The following ATRX variants were observed in gnomAD, a reference collection of about 807,000 sequenced individuals.
ATRX encodes the protein ATRX chromatin remodeler, also known as chromatin remodeler ATRX.
A neutral mutation model predicts 172.6 loss-of-function variants in ATRX; 12 were observed. That is an observed-to-expected ratio of 0.07 (90% CI 0.04 to 0.11). ATRX has a LOEUF of 0.11. ATRX is among the 10% of genes least tolerant of loss of function. The pLI is 1.00. For synonymous variants in ATRX, 674 were observed against 594.7 expected, an observed-to-expected ratio of 1.13 and a Z score of -1.94; for missense variants, 1,368 against 1,767.4, an observed-to-expected ratio of 0.77 and a Z score of 4.05.
At chrX:77,619,043 T>C (rs1299440261) in intron 20 of ATRX, 62 bp from the exon 21 acceptor site, 93 of 858,307 alleles carry the variant, frequency 1.1e-4, no homozygotes, top group Non-Finnish European at 1.5e-4. Context: ...TTAGAAAAAT[T>C]CCCCAATGAA....
chrX:77,566,705 A>C (rs1314145113), intron 28 of ATRX, among the ~76,000 whole-genome samples: 1 of 111,561 alleles, frequency 9.0e-6, no homozygotes, highest in East Asian at 2.8e-4. Context: ...GTGAGCTGAA[A>C]TTGCACCACT....
At chrX:77,732,682 T>C (rs143870713) in intron 1 of ATRX, among the ~76,000 whole-genome samples, 173 of 112,235 alleles carry the variant, frequency 1.5e-3, no homozygotes, top group African/African-American at 5.2e-3. Flanking sequence ...AACCATATTA[T>C]ATCAATTGAT....
chrX:77,505,462 C>T lies in ATRX; in HGVS notation c.*2889G>A, dbSNP rs2062690293. ...AAACAGGAAATGGGGCTGGATTACACAAAGACATCCAAAACTAACACAAAC... is the reference window on the plus strand; with the variant it reads ...AAACAGGAAATGGGGCTGGATTACATAAAGACATCCAAAACTAACACAAAC... On this transcript the variant is annotated 3_prime_UTR_variant, in exon 35 of 35. Coordinates refer to ENST00000373344, the MANE Select transcript of ATRX (RefSeq NM_000489.6). The T allele has an allele frequency of 5.8e-6, 1 of 172,458 alleles. No individual in the cohort carries two copies. Among genetic ancestry groups the T allele is most frequent in the Admixed American group, 8.0e-5 (1 of 12,443 alleles). The allele number at this position is 172,458 out of a possible 1,213,427, so 14.2% of individuals were successfully genotyped here. A position where few individuals can be genotyped will look rare whatever the true frequency, so the allele number is the denominator to read the frequency against.
intron 28 of ATRX, among the ~76,000 whole-genome samples, chrX:77,560,427 A>C: frequency 9.0e-6 from 1 of 110,523 alleles, no homozygotes; most frequent in Middle Eastern, 4.6e-3. Flanking sequence ...CATTTCCCCA[A>C]ATTTCTTGGT....
chrX:77,511,998 C>T (rs901404051), intron 34 of ATRX, among the ~76,000 whole-genome samples: 2 of 111,543 alleles, frequency 1.8e-5, no homozygotes, highest in African/African-American at 3.3e-5. Flanking sequence ...GCAGATTTAA[C>T]CTAATGAAGA....
intron 1 of ATRX, among the ~76,000 whole-genome samples, chrX:77,742,460 G>A (rs113448923): frequency 0.051 from 5,638 of 111,562 alleles, 374 homozygotes; most frequent in African/African-American, 0.18. Context: ...CACATACAGG[G>A]GAACTGTGAG....
chrX:77,696,573 T>A lies in ATRX; in HGVS notation c.370+4A>T. 8.3e-7 allele frequency: 1 copy of A among 1,205,222 alleles called. No individual in the cohort carries two copies. Among genetic ancestry groups the A allele is most frequent in the Non-Finnish European group, 1.1e-6 (1 of 890,449 alleles). On this transcript the variant is annotated splice_donor_region_variant and intron_variant, in intron 5 of 34. Transcript: ENST00000373344. ...TAACTTCATGAAAAATTAACACACA[T>A]TACCTTTTGGCAAGCTCTGCATAGT...
At chrX:77,613,191 T>C (rs1223040001) in intron 22 of ATRX, among the ~76,000 whole-genome samples, 1 of 111,089 alleles carries the variant, frequency 9.0e-6, no homozygotes, top group East Asian at 2.8e-4. Flanking sequence ...AGTAGCCACA[T>C]CATCTGACAT....
At chrX:77,731,415 C>G (rs983454167) in intron 1 of ATRX, among the ~76,000 whole-genome samples, 4 of 111,722 alleles carry the variant, frequency 3.6e-5, no homozygotes, top group Non-Finnish European at 5.6e-5. Context: ...TAAAGAAGAT[C>G]TAATACTGAT....
intron 19 of ATRX, among the ~76,000 whole-genome samples, chrX:77,626,190 A>G (rs2067843823): frequency 1.9e-5 from 2 of 105,105 alleles, no homozygotes; most frequent in South Asian, 8.9e-4. Context: ...AGGAATAGAA[A>G]AGCAAACATC....
intron 22 of ATRX, among the ~76,000 whole-genome samples, chrX:77,612,319 C>G (rs782188440): frequency 1.9e-5 from 2 of 107,765 alleles, no homozygotes; most frequent in Non-Finnish European, 3.8e-5. Flanking sequence ...TTTGGGGGTA[C>G]TTTTTAAATT....
intron 30 of ATRX, among the ~76,000 whole-genome samples, chrX:77,525,068 T>C (rs782543023): frequency 1.6e-4 from 18 of 111,857 alleles, no homozygotes; most frequent in Non-Finnish European, 2.4e-4. Context: ...ATTTCCTTTG[T>C]TGAAAACAAA....
intron 12 of ATRX, among the ~76,000 whole-genome samples, chrX:77,659,569 G>A (rs1259140799): frequency 3.7e-5 from 4 of 107,963 alleles, no homozygotes; most frequent in East Asian, 2.9e-4. Context: ...GATATTAAGC[G>A]CGGATGACAC....
At chrX:77,713,992 C>T (rs1321550811) in intron 2 of ATRX, among the ~76,000 whole-genome samples, 2 of 111,327 alleles carry the variant, frequency 1.8e-5, no homozygotes, top group Admixed American at 1.9e-4. Context: ...TCCTTAAAAA[C>T]AGAAAAATGT....
chrX:77,513,751 T>C (rs1353002916), intron 34 of ATRX, among the ~76,000 whole-genome samples: 1 of 111,527 alleles, frequency 9.0e-6, no homozygotes, highest in Non-Finnish European at 1.9e-5. Flanking sequence ...TTAGAAGTCC[T>C]GGGCAGAGCA....
chrX:77,685,559 G>C (rs1286917266), intron 7 of ATRX, among the ~76,000 whole-genome samples: 1 of 112,029 alleles, frequency 8.9e-6, no homozygotes, highest in Non-Finnish European at 1.9e-5. Flanking sequence ...CAAGGATGTG[G>C]AGAAAAGGGA....
chrX:77,509,162 A>G (rs1331550265), intron 34 of ATRX, among the ~76,000 whole-genome samples: 1 of 112,111 alleles, frequency 8.9e-6, no homozygotes, highest in Non-Finnish European at 1.9e-5. Context: ...ATTTCCAAGT[A>G]TAAGGCAGAA....
chrX:77,613,479 G>A (rs2067241194), intron 22 of ATRX, among the ~76,000 whole-genome samples: 1 of 111,877 alleles, frequency 8.9e-6, no homozygotes, highest in African/African-American at 3.2e-5. Context: ...TTTACATACA[G>A]TTGACCCTTG....
intron 19 of ATRX, among the ~76,000 whole-genome samples, chrX:77,627,427 C>T (rs782633585): frequency 8.2e-5 from 9 of 110,080 alleles, no homozygotes; most frequent in East Asian, 5.7e-4. Context: ...TTTTAATGTT[C>T]GAAAGGAGTA....
Sources: gnomAD v4.1 joint callset for allele counts (sites outside exome capture counted in the v4.1 genomes callset) on GRCh38, gnomAD v4.1.1 for gene constraint, MANE v1.5 for transcripts, NCBI Gene and HGNC (gene_info 2026-07-23, HGNC 2026-07-21) for gene names.